TRHDE: variants seen among roughly 807,000 people sequenced by gnomAD.
TRHDE encodes thyrotropin-releasing hormone-degrading ectoenzyme.
In TRHDE, 72 loss-of-function variants were observed where a neutral mutation model predicts 125.7. The ratio of observed to expected loss-of-function variants is 0.57; its 90% CI spans 0.47 to 0.70. The LOEUF (loss-of-function observed/expected upper bound fraction) is 0.70, where lower values mean the gene tolerates loss of function less well. TRHDE is among the 30% of genes least tolerant of loss of function. TRHDE has a pLI of 0.00. For missense variants in TRHDE, 1,110 were observed against 1,327.1 expected (o/e 0.84, Z 2.54); for synonymous variants, 509 against 509.1 (o/e 1.00, Z 0.00).
chr12:72,196,640 T>G (rs2139352157), intron 2 of TRHDE, among the ~76,000 whole-genome samples: 1 of 152,220 alleles, frequency 6.6e-6, no homozygotes, highest in African/African-American at 2.4e-5. Context: ...TTTCACCTAC[T>G]TATACCTATG....
intron 2 of TRHDE, among the ~76,000 whole-genome samples, chr12:72,374,024 C>T (rs1487862339): frequency 2.6e-5 from 4 of 151,840 alleles, no homozygotes; most frequent in African/African-American, 4.8e-5. Context: ...GAGCAAGGGA[C>T]GAGGCATCAG....
intron 3 of TRHDE, among the ~76,000 whole-genome samples, chr12:72,410,044 G>A (rs918929058): frequency 2.0e-5 from 3 of 151,620 alleles, no homozygotes; most frequent in African/African-American, 7.3e-5. Context: ...GAATAATCAA[G>A]GAATAAGAAA....
At chr12:72,503,301 G>T (rs1359889851) in intron 6 of TRHDE, among the ~76,000 whole-genome samples, 1 of 152,088 alleles carries the variant, frequency 6.6e-6, no homozygotes, top group Non-Finnish European at 1.5e-5. Context: ...TAAATTCAAG[G>T]ATATGTTTCC....
chr12:72,368,669 G>A (rs564201375), intron 2 of TRHDE, among the ~76,000 whole-genome samples: 1 of 152,274 alleles, frequency 6.6e-6, no homozygotes, highest in Admixed American at 6.5e-5. Flanking sequence ...CATGTGAATA[G>A]TGACCTGACC....
At chr12:72,191,121 T>C (rs1877330009) in intron 2 of TRHDE, among the ~76,000 whole-genome samples, 2 of 152,200 alleles carry the variant, frequency 1.3e-5, no homozygotes, top group South Asian at 4.1e-4. Flanking sequence ...GGTTGGACAT[T>C]CATGGAACAC....
chr12:72,388,340 G>A (rs1299910488), intron 3 of TRHDE, among the ~76,000 whole-genome samples: 1 of 151,934 alleles, frequency 6.6e-6, no homozygotes, highest in Non-Finnish European at 1.5e-5. Flanking sequence ...TTTTGTTTAT[G>A]TATTATTTAT....
At chr12:72,177,518 A>G (rs1253671921) in intron 2 of TRHDE, among the ~76,000 whole-genome samples, 1 of 152,136 alleles carries the variant, frequency 6.6e-6, no homozygotes, top group African/African-American at 2.4e-5. Flanking sequence ...ACCAGTAAGA[A>G]CAAAATTGTA....
intron 2 of TRHDE, among the ~76,000 whole-genome samples, chr12:72,224,091 C>CT (rs1878057392): frequency 4.0e-5 from 2 of 50,280 alleles, no homozygotes; most frequent in South Asian, 6.4e-4. Flanking sequence ...TCTATCTATC[C>CT]ATCTATCTAT....
intron 6 of TRHDE, among the ~76,000 whole-genome samples, chr12:72,526,403 A>AATATTACCTT (rs1868339436): frequency 6.6e-6 from 1 of 152,160 alleles, no homozygotes; most frequent in South Asian, 2.1e-4. Context: ...AAGATTTAGA[A>AATATTACCTT]ATATTACCTT....
Position 72,399,471 on chromosome 12 carries a change from CTT to C in TRHDE, c.1315+21351_1315+21352del, listed in dbSNP as rs1268010320. On this transcript the variant is annotated intron_variant, in intron 3 of 18. Coordinates refer to ENST00000261180, the MANE Select transcript of TRHDE (RefSeq NM_013381.3). ...ATTTATTTAATAATAATAAACTACT[CTT>C]GTGCTGCTTGTAAACATATAGGAAA... Among the ~76,000 whole-genome samples, 131 of 152,188 alleles carry C rather than the reference CTT, an allele frequency of 8.6e-4. 2 individuals carry two copies. Among genetic ancestry groups the C allele is most frequent in the Non-Finnish European group, 1.3e-4 (9 of 68,006 alleles).
chr12:72,421,803 C>G (rs1305893289), intron 3 of TRHDE, among the ~76,000 whole-genome samples: 1 of 152,054 alleles, frequency 6.6e-6, no homozygotes, highest in Non-Finnish European at 1.5e-5. Flanking sequence ...CACACTTAGG[C>G]TTTTTTAGAC....
chr12:72,398,226 T>A (rs1029530465), intron 3 of TRHDE, among the ~76,000 whole-genome samples: 1 of 152,042 alleles, frequency 6.6e-6, no homozygotes, highest in Non-Finnish European at 1.5e-5. Flanking sequence ...CTTAATCCAG[T>A]CTATCATTGT....
chr12:72,196,541 G>C (rs1877446226), intron 2 of TRHDE, among the ~76,000 whole-genome samples: 1 of 151,920 alleles, frequency 6.6e-6, no homozygotes, highest in African/African-American at 2.4e-5. Context: ...AACATTATTT[G>C]TGTACAGAAA....
At chr12:72,182,468 G>A (rs1877113557) in intron 2 of TRHDE, among the ~76,000 whole-genome samples, 1 of 152,310 alleles carries the variant, frequency 6.6e-6, no homozygotes, top group Admixed American at 6.5e-5. Flanking sequence ...GTAAATGTGA[G>A]TTGGAAAATC....
chr12:72,268,448 G>C (rs1348696014), upstream of TRHDE, among the ~76,000 whole-genome samples: 1 of 152,096 alleles, frequency 6.6e-6, no homozygotes, highest in African/African-American at 2.4e-5. Flanking sequence ...AGAGCTGAAA[G>C]ATACCCCCAA....
At chr12:72,492,690 AG>A (rs1374772008) in intron 5 of TRHDE, among the ~76,000 whole-genome samples, 5 of 151,912 alleles carry the variant, frequency 3.3e-5, no homozygotes, top group African/African-American at 1.2e-4. Flanking sequence ...CCTTCATTCT[AG>A]CCTTGTATAA....
intron 2 of TRHDE, among the ~76,000 whole-genome samples, chr12:72,213,620 C>T (rs1877829266): frequency 6.6e-6 from 1 of 152,078 alleles, no homozygotes; most frequent in Non-Finnish European, 1.5e-5. Context: ...TTATATTACA[C>T]CTGCAAAGAT....
intron 10 of TRHDE, among the ~76,000 whole-genome samples, chr12:72,570,970 T>C (rs1454719312): frequency 8.2e-6 from 1 of 122,276 alleles, no homozygotes; most frequent in African/African-American, 3.7e-5. Context: ...AGATTGCCCA[T>C]ACGAAGATAA....
chr12:72,263,144 A>G (rs893704782), intron 2 of TRHDE: 1 of 152,102 alleles, frequency 6.6e-6, no homozygotes, highest in Non-Finnish European at 1.5e-5. Context: ...GAAGAGGATA[A>G]AATTTATCCC....
Sources: gnomAD v4.1 joint callset for allele counts (sites outside exome capture counted in the v4.1 genomes callset) on GRCh38, gnomAD v4.1.1 for gene constraint, MANE v1.5 for transcripts, NCBI Gene and HGNC (gene_info 2026-07-23, HGNC 2026-07-21) for gene names.